Variants in GLIS3 observed in about 807,000 individuals in gnomAD.
GLIS3 encodes the protein GLIS family zinc finger 3.
GLIS3 carries 53 observed loss-of-function variants against 78.6 expected under a neutral mutation model. The observed-to-expected ratio is 0.67, with a 90% CI of 0.54 to 0.85. GLIS3 has a LOEUF of 0.85. GLIS3 is among the 40% of genes least tolerant of loss of function. The pLI is 0.00. For missense variants in GLIS3, 1,703 were observed against 1,231.1 expected (o/e 1.38, Z -5.74); for synonymous variants, 684 against 509.9 (o/e 1.34, Z -4.60).
chr9:4,183,760 GTTCT>G (rs1216120592), intron 2 of GLIS3, among the ~76,000 whole-genome samples: 2 of 152,210 alleles, frequency 1.3e-5, no homozygotes, highest in Non-Finnish European at 2.9e-5. Flanking sequence ...TGATTAAAGA[GTTCT>G]TTCTATTTCT....
intron 2 of GLIS3, among the ~76,000 whole-genome samples, chr9:4,200,245 C>A (rs1034655744): frequency 6.6e-6 from 1 of 151,594 alleles, no homozygotes; most frequent in Non-Finnish European, 1.5e-5. Context: ...CCTAGAGGAA[C>A]TAGAGAAACA....
At chr9:4,053,785 C>T (rs1341047170) in intron 4 of GLIS3, among the ~76,000 whole-genome samples, 2 of 150,956 alleles carry the variant, frequency 1.3e-5, no homozygotes, top group Non-Finnish European at 2.9e-5. Flanking sequence ...CCAGAGGCCA[C>T]CCAATTAGTG....
rs79007296 is a variant in GLIS3, at chr9:4,010,001, T to C, written c.1711-72812A>G. 2.8e-3 allele frequency among the ~76,000 whole-genome samples: 424 copies of C among 152,274 alleles called. 2 individuals carry two copies. The highest frequency in any genetic ancestry group is 9.5e-3 in the African/African-American group (393 of 41,556). ...GCATGGGGTCTCTACGTCAGCACTG[T>C]TGACATTTTGGGTTAAATAATTCTT... On this transcript the variant is annotated intron_variant, in intron 4 of 10. Coordinates refer to ENST00000381971, the MANE Select transcript of GLIS3 (RefSeq NM_001042413.2).
At chr9:3,854,209 G>A (rs1819612226) in intron 9 of GLIS3, among the ~76,000 whole-genome samples, 1 of 152,152 alleles carries the variant, frequency 6.6e-6, no homozygotes, top group African/African-American at 2.4e-5. Flanking sequence ...AGGGAAGAGG[G>A]CTCAATTTGA....
chr9:3,981,271 C>T (rs976526300), intron 4 of GLIS3, among the ~76,000 whole-genome samples: 3 of 152,198 alleles, frequency 2.0e-5, no homozygotes, highest in Non-Finnish European at 4.4e-5. Context: ...CAGAATATTG[C>T]ACTATACATG....
the GLIS3 span, among the ~76,000 whole-genome samples, chr9:4,444,732 T>G: frequency 1.3e-5 from 2 of 152,218 alleles, no homozygotes; most frequent in East Asian, 1.9e-4. Context: ...GGCATTTGCA[T>G]GCCTTACACA....
chr9:4,467,617 A>C, the GLIS3 span, among the ~76,000 whole-genome samples: 2 of 152,218 alleles, frequency 1.3e-5, no homozygotes, highest in Non-Finnish European at 2.9e-5. Context: ...ATCCACACCA[A>C]AACCCCATCT....
chr9:4,149,773 G>C (rs746069213), intron 2 of GLIS3, among the ~76,000 whole-genome samples: 1 of 152,096 alleles, frequency 6.6e-6, no homozygotes, highest in Non-Finnish European at 1.5e-5. Flanking sequence ...GTGAAACAGA[G>C]ATCAAGAGAA....
chr9:4,268,971 T>A (rs1826257127), intron 2 of GLIS3, among the ~76,000 whole-genome samples: 1 of 152,222 alleles, frequency 6.6e-6, no homozygotes, highest in Non-Finnish European at 1.5e-5. Flanking sequence ...AACAGCTGTT[T>A]AACAAAGCTC....
chr9:3,839,442 C>A (rs543902325), intron 9 of GLIS3, among the ~76,000 whole-genome samples: 7 of 152,234 alleles, frequency 4.6e-5, no homozygotes, highest in South Asian at 4.2e-4. Flanking sequence ...TTATACCAAC[C>A]ACTCAGAATT....
the GLIS3 span, among the ~76,000 whole-genome samples, chr9:4,378,515 T>C: frequency 6.6e-6 from 1 of 152,188 alleles, no homozygotes; most frequent in Non-Finnish European, 1.5e-5. Context: ...ATACCAAAAA[T>C]GTATTTATCT....
the GLIS3 span, among the ~76,000 whole-genome samples, chr9:4,477,600 G>C: frequency 6.6e-6 from 1 of 152,078 alleles, no homozygotes; most frequent in Non-Finnish European, 1.5e-5. Context: ...TTTTTGTAGA[G>C]ATAAGGTCTC....
At chr9:4,480,641 A>C in the GLIS3 span, among the ~76,000 whole-genome samples, 1 of 152,178 alleles carries the variant, frequency 6.6e-6, no homozygotes, top group Non-Finnish European at 1.5e-5. Context: ...ACAAATCATA[A>C]TATCCTCAGC....
chr9:4,407,778 T>G, the GLIS3 span, among the ~76,000 whole-genome samples: 1 of 151,958 alleles, frequency 6.6e-6, no homozygotes, highest in South Asian at 2.1e-4. Context: ...TCACATCAAG[T>G]TAAAAAGCTT....
Position 4,052,625 on chromosome 9 carries a change from A to C in GLIS3, c.1710+65143T>G, listed in dbSNP as rs991052186. On this transcript the variant is annotated intron_variant, in intron 4 of 10. Coordinates refer to ENST00000381971, the MANE Select transcript of GLIS3 (RefSeq NM_001042413.2). Reference sequence around the variant, plus strand: ...GTGCCTAGCTTTTTTCACTTAGTACAATGTTTTCAAGGTTCATCAATGTTG... The same window carrying C: ...GTGCCTAGCTTTTTTCACTTAGTACCATGTTTTCAAGGTTCATCAATGTTG... Among the ~76,000 whole-genome samples the C allele has an allele frequency of 3.3e-5, 5 of 152,272 alleles. No homozygotes were observed. In the South Asian group the frequency reaches 1.0e-3, roughly 32 times the overall value.
At chr9:4,135,978 T>C (rs562029136) in intron 2 of GLIS3, among the ~76,000 whole-genome samples, 35 of 152,314 alleles carry the variant, frequency 2.3e-4, no homozygotes, top group African/African-American at 8.2e-4. Flanking sequence ...CATATGTGAC[T>C]GTATGGTGTA....
chr9:4,226,681 G>A (rs1322724999), intron 2 of GLIS3, among the ~76,000 whole-genome samples: 1 of 152,162 alleles, frequency 6.6e-6, no homozygotes, highest in African/African-American at 2.4e-5. Flanking sequence ...CTCCTTAGCT[G>A]GCTACTCCTT....
chr9:4,338,050 G>C (rs1313257541), intron 2 of GLIS3, among the ~76,000 whole-genome samples: 3 of 108,566 alleles, frequency 2.8e-5, no homozygotes, highest in Non-Finnish European at 6.4e-5. Context: ...GTGTGTGTGT[G>C]TGTGTGTGTG....
chr9:4,058,233 T>C (rs189660464), intron 4 of GLIS3, among the ~76,000 whole-genome samples: 105 of 152,322 alleles, frequency 6.9e-4, no homozygotes, highest in Non-Finnish European at 1.5e-4. Context: ...CCTTGTATTT[T>C]TCCTTGTTTT....
Sources: allele counts gnomAD v4.1 joint callset (sites outside exome capture counted in the v4.1 genomes callset), GRCh38; gene constraint gnomAD v4.1.1; transcripts MANE v1.5; gene names NCBI Gene and HGNC (gene_info 2026-07-23, HGNC 2026-07-21).